The following ARL15 variants were observed in gnomAD, a reference collection of about 807,000 sequenced individuals.
ARL15 encodes ADP-ribosylation factor-like protein 15.
ARL15 carries 19 observed loss-of-function variants against 25.2 expected under a neutral mutation model. The observed-to-expected ratio is 0.75, with a 90% CI of 0.53 to 1.10. ARL15 has a LOEUF of 1.10. Among genes scored for constraint, ARL15 ranks in the 50% least tolerant of loss-of-function variants. The probability of loss-of-function intolerance (pLI) is 0.00; values close to 1 mark genes in which losing one functional copy is unlikely to be tolerated. For missense variants in ARL15, 220 were observed against 246.0 expected (o/e 0.89, Z 0.71); for synonymous variants, 94 against 86.8 (o/e 1.08, Z -0.46).
intron 1 of ARL15, among the ~76,000 whole-genome samples, chr5:54,225,103 CA>C (rs1756483381): frequency 6.6e-6 from 1 of 152,104 alleles, no homozygotes; most frequent in South Asian, 2.1e-4. Context: ...AAAGATGAGA[CA>C]AGTTAACGTA....
rs560023056 is a variant in ARL15, at chr5:54,210,467, G to A, written c.49-38539C>T. Among the ~76,000 whole-genome samples the A allele has an allele frequency of 2.0e-5, 3 of 152,226 alleles. No homozygotes were observed. In the East Asian group the frequency reaches 5.8e-4, roughly 29 times the overall value. On this transcript the variant is annotated intron_variant, in intron 1 of 4. Transcript: ENST00000504924. Reference sequence around the variant, plus strand: ...ACGTTATTTCAACAAAATGATAAATGTATTGTGAAATATATTATATTTGAT... The same window carrying A: ...ACGTTATTTCAACAAAATGATAAATATATTGTGAAATATATTATATTTGAT...
At chr5:54,089,312 T>C (rs1579786846) in intron 4 of ARL15, among the ~76,000 whole-genome samples, 2 of 152,334 alleles carry the variant, frequency 1.3e-5, no homozygotes, top group Admixed American at 1.3e-4. Context: ...GTAAAGAGTT[T>C]CAGACATTTC....
At chr5:54,234,233 C>T (rs1445024864) in intron 1 of ARL15, among the ~76,000 whole-genome samples, 1 of 151,846 alleles carries the variant, frequency 6.6e-6, no homozygotes, top group East Asian at 1.9e-4. Flanking sequence ...TCAGGTGATC[C>T]GCCCGTTTCA....
At chr5:54,118,459 G>C (rs750457083) in intron 3 of ARL15, among the ~76,000 whole-genome samples, 1 of 152,000 alleles carries the variant, frequency 6.6e-6, no homozygotes. Context: ...AACATGTTAT[G>C]AGCTTATTAT....
chr5:53,934,565 T>C (rs553701665), intron 4 of ARL15, among the ~76,000 whole-genome samples: 1 of 152,300 alleles, frequency 6.6e-6, no homozygotes, highest in South Asian at 2.1e-4. Context: ...CTATAGTATG[T>C]AGGGAGACCA....
intron 4 of ARL15, among the ~76,000 whole-genome samples, chr5:54,064,463 A>C (rs1407238827): frequency 6.6e-6 from 1 of 152,198 alleles, no homozygotes; most frequent in African/African-American, 2.4e-5. Context: ...GAGGCTAACC[A>C]CATATAACAA....
chr5:53,906,861 C>T (rs1164224315), intron 4 of ARL15, among the ~76,000 whole-genome samples: 1 of 152,180 alleles, frequency 6.6e-6, no homozygotes. Flanking sequence ...AACCCTTGCA[C>T]ACTCAATATT....
intron 4 of ARL15, among the ~76,000 whole-genome samples, chr5:54,109,791 T>C (rs1333656948): frequency 6.6e-6 from 1 of 151,962 alleles, no homozygotes; most frequent in Non-Finnish European, 1.5e-5. Context: ...TCTCGAATGC[T>C]TTCTATAGAG....
chr5:54,065,704 AAAC>A (rs68040223), intron 4 of ARL15, among the ~76,000 whole-genome samples: 2,327 of 152,268 alleles, frequency 0.015, 23 homozygotes, highest in Admixed American at 0.022. Context: ...AACAACCAAA[AAAC>A]AACAACTACA....
intron 4 of ARL15, among the ~76,000 whole-genome samples, chr5:53,956,764 A>C (rs1054513811): frequency 6.6e-6 from 1 of 152,116 alleles, no homozygotes; most frequent in African/African-American, 2.4e-5. Context: ...AATTACAGAA[A>C]GGAACCAAAC....
intron 1 of ARL15, among the ~76,000 whole-genome samples, chr5:54,280,744 T>C (rs1052819161): frequency 6.6e-6 from 1 of 152,342 alleles, no homozygotes; most frequent in South Asian, 2.1e-4. Flanking sequence ...ATGTAAATAT[T>C]TTTAAGTCCT....
chr5:54,286,767 ACCACT>A (rs1758190184), intron 1 of ARL15, among the ~76,000 whole-genome samples: 1 of 152,138 alleles, frequency 6.6e-6, no homozygotes, highest in East Asian at 1.9e-4. Context: ...AATAATGAGT[ACCACT>A]TATCTTGGAG....
At chr5:54,106,951 A>G (rs552205231) in intron 4 of ARL15, among the ~76,000 whole-genome samples, 1 of 152,312 alleles carries the variant, frequency 6.6e-6, no homozygotes, top group South Asian at 2.1e-4. Context: ...CTGATGTAAT[A>G]CATCATCTTG....
At chr5:53,931,762 AT>A (rs1746201762) in intron 4 of ARL15, among the ~76,000 whole-genome samples, 1 of 152,224 alleles carries the variant, frequency 6.6e-6, no homozygotes, top group African/African-American at 2.4e-5. Flanking sequence ...GGGGTCAGAC[AT>A]TTCATTTCTT....
intron 1 of ARL15, among the ~76,000 whole-genome samples, chr5:54,296,216 G>A (rs552372940): frequency 1.4e-4 from 22 of 152,302 alleles, no homozygotes; most frequent in South Asian, 1.0e-3. Flanking sequence ...GGCTGGTAGG[G>A]GGAAAATGAA....
chr5:54,282,994 G>A (rs1207697218), intron 1 of ARL15, among the ~76,000 whole-genome samples: 3 of 152,268 alleles, frequency 2.0e-5, no homozygotes, highest in South Asian at 2.1e-4. Flanking sequence ...AATATTTTTA[G>A]CACATTAAAT....
intron 4 of ARL15, among the ~76,000 whole-genome samples, chr5:53,920,582 G>A (rs2112015260): frequency 6.6e-6 from 1 of 151,776 alleles, no homozygotes. Context: ...TGTGGAGGGA[G>A]GATCACTTGA....
chr5:53,939,373 AT>A (rs1161797732), intron 4 of ARL15, among the ~76,000 whole-genome samples: 1 of 152,198 alleles, frequency 6.6e-6, no homozygotes, highest in Non-Finnish European at 1.5e-5. Context: ...TGTTATTAAA[AT>A]TCTTCTCTTC....
chr5:53,916,691 G>A (rs530403511), intron 4 of ARL15, among the ~76,000 whole-genome samples: 1 of 152,108 alleles, frequency 6.6e-6, no homozygotes, highest in African/African-American at 2.4e-5. Context: ...TAAGGGTACA[G>A]GGAATCTTGT....
Sources: allele counts gnomAD v4.1 joint callset (sites outside exome capture counted in the v4.1 genomes callset), GRCh38; gene constraint gnomAD v4.1.1; transcripts MANE v1.5; gene names NCBI Gene and HGNC (gene_info 2026-07-23, HGNC 2026-07-21).